Variants in CIT observed in about 807,000 individuals in gnomAD.
CIT encodes the protein citron Rho-interacting kinase.
In CIT, 79 loss-of-function variants were observed where a neutral mutation model predicts 272.7. The ratio of observed to expected loss-of-function variants is 0.29; its 90% confidence interval spans 0.24 to 0.35. The LOEUF is 0.35. Among genes scored for constraint, CIT ranks in the 10% least tolerant of loss-of-function variants. The pLI is 1.00. For synonymous variants in CIT, 948 were observed against 995.6 expected, an observed-to-expected ratio of 0.95 and a Z score of 0.90; for missense variants, 1,909 against 2,618.3, an observed-to-expected ratio of 0.73 and a Z score of 5.91.
At chr12:119,825,036 G>T in intron 8 of CIT, 129 bp downstream of exon 8, 2 of 679,060 alleles carry the variant, frequency 2.9e-6, no homozygotes, top group South Asian at 3.7e-5. Flanking sequence ...TCCTGACCTC[G>T]TGATCCACCC....
chr12:119,824,196 A>G (rs1414918984), intron 8 of CIT, among the ~76,000 whole-genome samples: 1 of 150,384 alleles, frequency 6.6e-6, no homozygotes, highest in Non-Finnish European at 1.5e-5. Context: ...TCCTCATTCA[A>G]TTGTAATACC....
At chr12:119,827,811 T>C (rs1343053790) in intron 7 of CIT, among the ~76,000 whole-genome samples, 4 of 152,202 alleles carry the variant, frequency 2.6e-5, no homozygotes, top group African/African-American at 4.8e-5. Context: ...GTAATGAAAA[T>C]GCTACTATAT....
rs865775936 is a variant in CIT, at chr12:119,712,657, G to T, written c.4618C>A (p.Pro1540Thr). The T allele has an allele frequency of 1.2e-6, 2 of 1,614,074 alleles. No homozygotes were observed. The highest frequency in any genetic ancestry group is 1.7e-6 in the Non-Finnish European group (2 of 1,180,036). ...RPVEEFELCL[P>T]DGDVSIHGAV... ...CCATGAATAGATACATCCCCGTCGG[G>T]AAGGCACAGCTCAAATTCTTCCACC... is the stretch of plus-strand genomic sequence containing the variant. The change falls in exon 36 of 48, where the codon CCC becomes ACC. Residue 1540 changes from proline to threonine, a missense_variant. By Grantham distance (38) the Pro-to-Thr change is conservative (BLOSUM62 -1). This residue lies in a region of CIT where 780 missense variants were observed against 1,067.2 expected (regional missense o/e 0.73). Coordinates refer to ENST00000392521, the MANE Select transcript of CIT (RefSeq NM_001206999.2). This position sits in a 1 kb window ranked among gnomAD's most constrained non-coding sequence, Gnocchi z 5.2.
rs1962962629 is a variant in CIT, at chr12:119,770,387, C to A, written c.2208+398G>T. Among the ~76,000 whole-genome samples the A allele has an allele frequency of 6.6e-6, 1 of 152,140 alleles. No homozygotes were observed. ...TGCTTTCTTCTCTAAAAGCAAGAAT[C>A]TGAATTTCGGTCTTAAAGGTCTAAA... is the stretch of plus-strand genomic sequence containing the variant. On this transcript the variant is annotated intron_variant, in intron 18 of 47. Transcript: ENST00000392521. The surrounding 1 kb of genome is among the most constrained non-coding windows in gnomAD (Gnocchi z 4.4).
chr12:119,757,245 A>G (rs1961112431), intron 22 of CIT, 126 bp downstream of exon 22: 2 of 1,230,310 alleles, frequency 1.6e-6, no homozygotes, highest in East Asian at 4.7e-5. Flanking sequence ...TCCTGCCTCA[A>G]GTCTGCCCCC....
intron 27 of CIT, among the ~76,000 whole-genome samples, chr12:119,729,105 A>G (rs1958290282): frequency 6.6e-6 from 1 of 152,222 alleles, no homozygotes; most frequent in Non-Finnish European, 1.5e-5. Context: ...TCAAGACAAT[A>G]AGGTATTGCA....
intron 13 of CIT, among the ~76,000 whole-genome samples, chr12:119,780,976 C>T (rs1461683710): frequency 2.6e-5 from 4 of 152,162 alleles, no homozygotes; most frequent in African/African-American, 9.7e-5. Flanking sequence ...CTGATAATTC[C>T]GTTTCTAAGG....
intron 5 of CIT, among the ~76,000 whole-genome samples, chr12:119,845,748 A>G (rs1036057418): frequency 2.3e-4 from 35 of 150,906 alleles, no homozygotes; most frequent in Non-Finnish European, 4.6e-4. Flanking sequence ...TCAGGAGTTC[A>G]AGACCAGCCT....
At chr12:119,810,636 G>A (rs780850587) in intron 9 of CIT, among the ~76,000 whole-genome samples, 1 of 149,594 alleles carries the variant, frequency 6.7e-6, no homozygotes, top group Non-Finnish European at 1.5e-5. Flanking sequence ...CCGGGAGACA[G>A]AGGTTGCAAT....
Position 119,808,702 on chromosome 12 carries a change from C to A in CIT, c.1112-5313G>T, listed in dbSNP as rs1057366579. ...CTGTGCCTAGAATACAGTGGGCATG[C>A]GCTAATATTCAACCAAAAACACGTT... On this transcript the variant is annotated intron_variant, in intron 9 of 47. Transcript: ENST00000392521. Among the ~76,000 whole-genome samples the A allele has an allele frequency of 2.6e-5, 4 of 152,088 alleles. 1 individual carries two copies. The highest frequency in any genetic ancestry group is 9.7e-5 in the African/African-American group (4 of 41,402).
chr12:119,827,973 G>A (rs914220560), intron 7 of CIT, among the ~76,000 whole-genome samples: 1 of 152,120 alleles, frequency 6.6e-6, no homozygotes, highest in Non-Finnish European at 1.5e-5. Flanking sequence ...CAGCTCACAG[G>A]GCAGTCACTT....
rs1968076951 is a variant in CIT at position 119,825,342 on chromosome 12, G to T, written c.780C>A (p.Thr260=). The change falls in exon 8 of 48, where the codon ACC becomes ACA. Residue 260 remains threonine, a synonymous_variant. Coordinates refer to ENST00000392521, the MANE Select transcript of CIT (RefSeq NM_001206999.2). ...KMVNAKLPIG[T]PDYMAPEVLT... Reference sequence around the variant, plus strand: ...GCACTTCAGGAGCCATGTAATCTGGGGTCCCAATCGGGAGTTTGGCATTCA... The same window carrying T: ...GCACTTCAGGAGCCATGTAATCTGGTGTCCCAATCGGGAGTTTGGCATTCA... The T allele has an allele frequency of 6.2e-7, 1 of 1,613,740 alleles. No individual in the cohort carries two copies. Among genetic ancestry groups the T allele is most frequent in the East Asian group, 2.2e-5 (1 of 44,858 alleles).
At chr12:119,708,069 G>A in intron 40 of CIT, 110 bp downstream of exon 40, 1 of 1,215,840 alleles carries the variant, frequency 8.2e-7, no homozygotes, top group Non-Finnish European at 1.1e-6. Context: ...CTCTCTGTTT[G>A]TTATTTAAGT....
Position 119,687,623 on chromosome 12 carries a change from G to A in CIT, c.*609C>T, listed in dbSNP as rs1955652042. On this transcript the variant is annotated 3_prime_UTR_variant, in exon 48 of 48. Transcript: ENST00000392521. Reference sequence around the variant, plus strand: ...CCCTGGGGAAAGCAGGGCCATCTATGAGAATGAACAGGAACAAGGATGAAC... The same window carrying A: ...CCCTGGGGAAAGCAGGGCCATCTATAAGAATGAACAGGAACAAGGATGAAC... 1 of 152,398 alleles carries A rather than the reference G, an allele frequency of 6.6e-6. No homozygotes were observed. The highest frequency in any genetic ancestry group is 1.5e-5 in the Non-Finnish European group (1 of 68,076). The allele number at this position is 152,398 out of a possible 1,614,324, so 9.4% of individuals were successfully genotyped here.
At chr12:119,698,228 G>C (rs1204079578) in intron 44 of CIT, 174 bp from the exon 45 acceptor site, 2 of 645,940 alleles carry the variant, frequency 3.1e-6, no homozygotes, top group Non-Finnish European at 5.6e-6. Flanking sequence ...ATTCACTGCC[G>C]TGTGGTTTGT....
intron 24 of CIT, 46 bp downstream of exon 24, chr12:119,742,361 CTGTT>C (rs1300642942): frequency 2.9e-6 from 4 of 1,356,366 alleles, no homozygotes; most frequent in South Asian, 2.7e-5. Flanking sequence ...TTTTCCTCCT[CTGTT>C]TTAGTTTCAT....
chr12:119,757,975 C>T (rs1156852439), intron 21 of CIT, among the ~76,000 whole-genome samples: 1 of 152,180 alleles, frequency 6.6e-6, no homozygotes, highest in African/African-American at 2.4e-5. Context: ...TAGTTCTCTG[C>T]AGATCTCCCT....
rs145528786 is a variant in CIT, at chr12:119,724,256, C to T, written c.3592-2807G>A. Reference sequence around the variant, plus strand: ...AGGACTGTAAGAGTTAATTCATGTACTCAGAGAGTCAGTCACATGGTAAGT... The same window carrying T: ...AGGACTGTAAGAGTTAATTCATGTATTCAGAGAGTCAGTCACATGGTAAGT... On this transcript the variant is annotated intron_variant, in intron 28 of 47. Coordinates refer to ENST00000392521, the MANE Select transcript of CIT (RefSeq NM_001206999.2). Among the ~76,000 whole-genome samples, 13 of 152,228 alleles carry T rather than the reference C, an allele frequency of 8.5e-5. No homozygotes were observed. The East Asian group carries it at 1.7e-3, about 20-fold the overall frequency.
At chr12:119,841,663 A>G (rs1969420009) in intron 5 of CIT, among the ~76,000 whole-genome samples, 1 of 152,192 alleles carries the variant, frequency 6.6e-6, no homozygotes, top group Admixed American at 6.5e-5. Context: ...GTGAGAGGAA[A>G]TGATGTGTCC....
Sources: allele counts gnomAD v4.1 joint callset (sites outside exome capture counted in the v4.1 genomes callset), GRCh38; gene constraint gnomAD v4.1.1; regional missense constraint gnomAD v4.1.1; non-coding constraint Gnocchi (gnomAD v3.1); transcripts MANE v1.5; gene names NCBI Gene and HGNC (gene_info 2026-07-23, HGNC 2026-07-21).